The following KLHL32 variants were observed in gnomAD, a reference collection of about 807,000 sequenced individuals.
The protein encoded by KLHL32 is kelch like family member 32, also known as kelch-like protein 32.
In KLHL32, 35 loss-of-function variants were observed where a neutral mutation model predicts 64.8. The ratio of observed to expected loss-of-function variants is 0.54; its 90% CI spans 0.41 to 0.72. The LOEUF (loss-of-function observed/expected upper bound fraction) is 0.72. KLHL32 is among the 30% of genes least tolerant of loss of function. The probability of loss-of-function intolerance (pLI) is 0.00; values close to 1 mark genes in which losing one functional copy is unlikely to be tolerated. For missense variants in KLHL32, 589 were observed against 768.5 expected (o/e 0.77, Z 2.76); for synonymous variants, 259 against 281.0 (o/e 0.92, Z 0.78).
intron 7 of KLHL32, among the ~76,000 whole-genome samples, chr6:97,118,985 C>A (rs1798092502): frequency 6.6e-6 from 1 of 152,102 alleles, no homozygotes. Flanking sequence ...CCTGGAGGTG[C>A]CTAACTTAGC....
chr6:96,937,163 C>A (rs1008855539), intron 1 of KLHL32, among the ~76,000 whole-genome samples: 3 of 152,124 alleles, frequency 2.0e-5, no homozygotes, highest in African/African-American at 7.2e-5. Flanking sequence ...CTGTAGCCAC[C>A]AACACAATCC....
chr6:97,074,859 T>A (rs972517757), intron 5 of KLHL32, among the ~76,000 whole-genome samples: 1 of 150,870 alleles, frequency 6.6e-6, no homozygotes, highest in African/African-American at 2.4e-5. Context: ...TATTTTCAAT[T>A]AAAAGAAAAT....
chr6:97,099,605 A>G (rs1443112769), intron 6 of KLHL32, among the ~76,000 whole-genome samples: 2 of 152,102 alleles, frequency 1.3e-5, no homozygotes, highest in Non-Finnish European at 2.9e-5. Flanking sequence ...TTCTGAGACT[A>G]TCAGGCGGCT....
chr6:97,062,045 T>C lies in KLHL32; in HGVS notation c.313-2583T>C, dbSNP rs566717362. 2.6e-5 allele frequency among the ~76,000 whole-genome samples: 4 copies of C among 152,256 alleles called. No individual in the cohort carries two copies. The East Asian group carries it at 7.7e-4, about 29-fold the overall frequency. ...CTAAAGCATATTTTAGAAAAACTTATGTTATAATGAGTGGAAGGAAAAAAC... is the reference window on the plus strand; with the variant it reads ...CTAAAGCATATTTTAGAAAAACTTACGTTATAATGAGTGGAAGGAAAAAAC... On this transcript the variant is annotated intron_variant, in intron 4 of 10. Transcript: ENST00000369261.
At chr6:96,906,512 C>G in the KLHL32 span, among the ~76,000 whole-genome samples, 3 of 152,122 alleles carry the variant, frequency 2.0e-5, no homozygotes, top group Non-Finnish European at 2.9e-5. Context: ...CCATAGGTCT[C>G]TCTTAGAAAG....
chr6:97,064,404 A>G (rs1238314481), intron 4 of KLHL32, among the ~76,000 whole-genome samples: 5 of 152,238 alleles, frequency 3.3e-5, no homozygotes, highest in African/African-American at 1.2e-4. Context: ...CACAAATGGT[A>G]TCAGCACATG....
At chr6:97,053,042 G>C (rs1362496619) in intron 4 of KLHL32, among the ~76,000 whole-genome samples, 3 of 151,938 alleles carry the variant, frequency 2.0e-5, no homozygotes, top group African/African-American at 7.3e-5. Flanking sequence ...AGGAAGCATA[G>C]AGCCACATTG....
At chr6:97,024,201 A>T (rs1350414346) in intron 3 of KLHL32, among the ~76,000 whole-genome samples, 3 of 152,224 alleles carry the variant, frequency 2.0e-5, no homozygotes, top group Non-Finnish European at 4.4e-5. Context: ...TTAAGCAGTC[A>T]ACCTGGCATT....
intron 5 of KLHL32, among the ~76,000 whole-genome samples, chr6:97,074,613 A>AC (rs1416869569): frequency 1.3e-5 from 2 of 151,478 alleles, no homozygotes; most frequent in Non-Finnish European, 2.9e-5. Flanking sequence ...TAAAAAAAAA[A>AC]AACAAAAAAA....
intron 2 of KLHL32, among the ~76,000 whole-genome samples, chr6:96,972,742 C>T (rs1775250344): frequency 6.6e-6 from 1 of 152,118 alleles, no homozygotes; most frequent in African/African-American, 2.4e-5. Flanking sequence ...AGTTGAGAGG[C>T]TTAGTTTGCT....
At chr6:97,045,249 C>T (rs975803878) in intron 4 of KLHL32, among the ~76,000 whole-genome samples, 3 of 152,136 alleles carry the variant, frequency 2.0e-5, no homozygotes, top group Non-Finnish European at 4.4e-5. Context: ...TTAAGGCAGG[C>T]CATTATCATT....
At chr6:97,100,358 C>T (rs1301731388) in intron 6 of KLHL32, among the ~76,000 whole-genome samples, 1 of 152,078 alleles carries the variant, frequency 6.6e-6, no homozygotes, top group Non-Finnish European at 1.5e-5. Context: ...TTATGTATAT[C>T]CTTTGCAGCT....
chr6:97,107,604 A>G (rs1796587736), intron 6 of KLHL32, among the ~76,000 whole-genome samples: 1 of 152,240 alleles, frequency 6.6e-6, no homozygotes, highest in African/African-American at 2.4e-5. Context: ...TGCTTTGCCA[A>G]GAATCTCAAA....
intron 1 of KLHL32, among the ~76,000 whole-genome samples, chr6:96,953,617 G>A (rs573995752): frequency 4.0e-5 from 6 of 151,354 alleles, no homozygotes; most frequent in African/African-American, 1.5e-4. Context: ...GTGACAGAGT[G>A]AGACTCCATC....
chr6:97,121,806 A>G (rs376747531), intron 7 of KLHL32, among the ~76,000 whole-genome samples: 2 of 152,318 alleles, frequency 1.3e-5, no homozygotes, highest in Middle Eastern at 6.8e-3. Flanking sequence ...GAACAATATC[A>G]TTTGCTTTAT....
chr6:96,941,625 G>A (rs1423839090), intron 1 of KLHL32, among the ~76,000 whole-genome samples: 10 of 152,130 alleles, frequency 6.6e-5, no homozygotes, highest in Admixed American at 5.2e-4. Context: ...TCAACTTCAC[G>A]TAATCCACGA....
intron 3 of KLHL32, among the ~76,000 whole-genome samples, chr6:97,002,609 A>G (rs1214653363): frequency 6.6e-6 from 1 of 152,096 alleles, no homozygotes; most frequent in Non-Finnish European, 1.5e-5. Context: ...GTGTATTTTT[A>G]TCCTCACCCT....
At chr6:97,034,628 C>T (rs1406605672) in intron 3 of KLHL32, among the ~76,000 whole-genome samples, 1 of 151,828 alleles carries the variant, frequency 6.6e-6, no homozygotes. Context: ...ACATTTTTTT[C>T]AATCCATGGA....
At chr6:97,103,377 G>C (rs1354510972) in intron 6 of KLHL32, among the ~76,000 whole-genome samples, 6 of 151,970 alleles carry the variant, frequency 3.9e-5, no homozygotes, top group Non-Finnish European at 7.4e-5. Context: ...TCACACCTGG[G>C]TAATTTTTTG....
Sources: allele counts gnomAD v4.1 joint callset (sites outside exome capture counted in the v4.1 genomes callset), GRCh38; gene constraint gnomAD v4.1.1; transcripts MANE v1.5; gene names NCBI Gene and HGNC (gene_info 2026-07-23, HGNC 2026-07-21).